CACNB4: variants seen among roughly 807,000 people sequenced by gnomAD.
CACNB4 encodes voltage-dependent L-type calcium channel subunit beta-4.
In CACNB4, 32 loss-of-function variants were observed where a neutral mutation model predicts 71.2. That is an observed-to-expected ratio of 0.45 (90% CI 0.34 to 0.60). The LOEUF is 0.60. CACNB4 is among the 20% of genes least tolerant of loss of function. The probability of loss-of-function intolerance (pLI) is 0.01; values close to 1 mark genes in which losing one functional copy is unlikely to be tolerated. For synonymous variants in CACNB4, 231 were observed against 236.9 expected, an observed-to-expected ratio of 0.97 and a Z score of 0.23; for missense variants, 464 against 647.9, an observed-to-expected ratio of 0.72 and a Z score of 3.08.
intron 2 of CACNB4, among the ~76,000 whole-genome samples, chr2:152,023,146 T>A (rs985408909): frequency 6.6e-6 from 1 of 151,700 alleles, no homozygotes; most frequent in Non-Finnish European, 1.5e-5. Flanking sequence ...AGAGAGAGCA[T>A]GAGCGAGCAC....
intron 2 of CACNB4, among the ~76,000 whole-genome samples, chr2:152,000,378 A>G (rs1682327148): frequency 6.6e-6 from 1 of 152,232 alleles, no homozygotes; most frequent in African/African-American, 2.4e-5. Context: ...AGCACCCTGC[A>G]TCTAGTCTTC....
At chr2:152,047,569 T>C (rs1230900945) in intron 2 of CACNB4, among the ~76,000 whole-genome samples, 1 of 152,222 alleles carries the variant, frequency 6.6e-6, no homozygotes, top group Non-Finnish European at 1.5e-5. Context: ...TTCTGCTTTC[T>C]TGAAATGAAC....
At chr2:151,902,514 T>G (rs1250704259) in intron 2 of CACNB4, among the ~76,000 whole-genome samples, 1 of 152,202 alleles carries the variant, frequency 6.6e-6, no homozygotes, top group African/African-American at 2.4e-5. Context: ...CTCTTCACGA[T>G]TATTAGAATT....
In CACNB4 at chr2:151,874,925, G is replaced by A. The variant is rs112048670; in HGVS notation, c.521+1501C>T. 8.4e-4 allele frequency: 337 copies of A among 399,166 alleles called. 1 individual carries two copies. Among genetic ancestry groups the A allele is most frequent in the African/African-American group, 6.3e-3 (307 of 48,736 alleles). The allele number at this position is 399,166 out of a possible 1,614,324, so 24.7% of individuals were successfully genotyped here. On this transcript the variant is annotated intron_variant, in intron 5 of 13. Transcript: ENST00000539935. ...CTCACTAGAGGTTGATTCACCTGAA[G>A]CTGTCTTCACCCAAATACCAGGAGA...
At chr2:151,910,277 T>C (rs1044836847) in intron 2 of CACNB4, among the ~76,000 whole-genome samples, 24 of 152,190 alleles carry the variant, frequency 1.6e-4, no homozygotes, top group Admixed American at 3.9e-4. Context: ...CATTAGACCT[T>C]TGTCACATGG....
At chr2:151,917,484 C>A (rs963351747) in intron 2 of CACNB4, among the ~76,000 whole-genome samples, 42 of 152,116 alleles carry the variant, frequency 2.8e-4, no homozygotes, top group African/African-American at 9.6e-4. Flanking sequence ...CAGGGCAGAC[C>A]CAGTAAATGT....
At chr2:152,038,997 T>C (rs1467185147) in intron 2 of CACNB4, among the ~76,000 whole-genome samples, 1 of 152,230 alleles carries the variant, frequency 6.6e-6, no homozygotes, top group Non-Finnish European at 1.5e-5. Flanking sequence ...ACTGAGGTCA[T>C]TGCTTGCTTA....
At chr2:152,070,993 C>A (rs550675659) in intron 2 of CACNB4, among the ~76,000 whole-genome samples, 26 of 152,344 alleles carry the variant, frequency 1.7e-4, no homozygotes, top group Non-Finnish European at 3.1e-4. Flanking sequence ...TCTCAAACTC[C>A]TGACCTCAAG....
intron 2 of CACNB4, among the ~76,000 whole-genome samples, chr2:151,940,219 C>A (rs927170089): frequency 2.6e-5 from 4 of 152,148 alleles, no homozygotes; most frequent in African/African-American, 9.7e-5. Context: ...TGAGTCCTTA[C>A]TCTATATACT....
chr2:152,042,967 C>T (rs1684955990), intron 2 of CACNB4, among the ~76,000 whole-genome samples: 2 of 152,112 alleles, frequency 1.3e-5, no homozygotes, highest in African/African-American at 4.8e-5. Flanking sequence ...TCATTATATG[C>T]TAATTACAAT....
chr2:152,087,365 G>C (rs1687717255), intron 2 of CACNB4, among the ~76,000 whole-genome samples: 1 of 150,300 alleles, frequency 6.7e-6, no homozygotes, highest in Admixed American at 6.6e-5. Flanking sequence ...CTGGGAGGCG[G>C]AGGTTGCGGT....
chr2:151,974,015 C>T, intron 2 of CACNB4: 1 of 1,130,654 alleles, frequency 8.8e-7, no homozygotes, highest in Non-Finnish European at 1.1e-6. Flanking sequence ...CTCGGCTTCC[C>T]TGCTTCAGTC....
At chr2:152,066,014 G>C (rs955298534) in intron 2 of CACNB4, among the ~76,000 whole-genome samples, 1 of 152,132 alleles carries the variant, frequency 6.6e-6, no homozygotes, top group African/African-American at 2.4e-5. Context: ...TACATTTAGT[G>C]AGCACAATAA....
chr2:152,040,731 G>A (rs765324629), intron 2 of CACNB4, among the ~76,000 whole-genome samples: 4 of 152,172 alleles, frequency 2.6e-5, no homozygotes, highest in Non-Finnish European at 5.9e-5. Context: ...GTGAGCCACC[G>A]TTTCCAGCCA....
At chr2:152,027,543 T>C (rs113855692) in intron 2 of CACNB4, among the ~76,000 whole-genome samples, 47 of 152,172 alleles carry the variant, frequency 3.1e-4, no homozygotes, top group African/African-American at 1.0e-3. Context: ...TGCTACCTCT[T>C]TGGCTCCAGT....
intron 2 of CACNB4, among the ~76,000 whole-genome samples, chr2:151,947,777 A>C (rs978656692): frequency 2.0e-5 from 3 of 152,228 alleles, no homozygotes; most frequent in Non-Finnish European, 4.4e-5. Flanking sequence ...GGAGCCCAGC[A>C]GAAAGAGAGA....
At chr2:151,964,763 C>T (rs974591117) in intron 2 of CACNB4, among the ~76,000 whole-genome samples, 41 of 152,128 alleles carry the variant, frequency 2.7e-4, no homozygotes, top group Non-Finnish European at 2.2e-4. Context: ...TTATGTTTTA[C>T]GTACCAAATT....
chr2:151,940,468 T>G (rs1490489163), intron 2 of CACNB4, among the ~76,000 whole-genome samples: 2 of 152,190 alleles, frequency 1.3e-5, no homozygotes, highest in Non-Finnish European at 2.9e-5. Context: ...AACAGTATGC[T>G]GGAGTAGGAA....
chr2:152,041,987 T>G (rs1345327387), intron 2 of CACNB4, among the ~76,000 whole-genome samples: 1 of 152,170 alleles, frequency 6.6e-6, no homozygotes, highest in Non-Finnish European at 1.5e-5. Context: ...CAATAAATAG[T>G]TGAAGGAGTG....
Sources: allele counts gnomAD v4.1 joint callset (sites outside exome capture counted in the v4.1 genomes callset), GRCh38; gene constraint gnomAD v4.1.1; transcripts MANE v1.5; gene names NCBI Gene and HGNC (gene_info 2026-07-23, HGNC 2026-07-21).